Variants in CHCHD6 observed in about 807,000 individuals in gnomAD.
The protein encoded by CHCHD6 is MICOS complex subunit MIC25.
In CHCHD6, 28 loss-of-function variants were observed where a neutral mutation model predicts 32.3. The ratio of observed to expected loss-of-function variants is 0.87; its 90% CI spans 0.64 to 1.19. CHCHD6 has a LOEUF of 1.19. Among genes scored for constraint, CHCHD6 ranks in the 50% most tolerant of loss-of-function variants. The pLI, the probability that CHCHD6 is intolerant of heterozygous loss-of-function variation, is 0.00. For missense variants in CHCHD6, 333 were observed against 307.0 expected (o/e 1.08, Z -0.63); for synonymous variants, 122 against 117.5 (o/e 1.04, Z -0.25).
chr3:126,942,672 C>T (rs1212502058), intron 6 of CHCHD6, among the ~76,000 whole-genome samples: 1 of 152,170 alleles, frequency 6.6e-6, no homozygotes, highest in African/African-American at 2.4e-5. Context: ...TTCTCTGCCC[C>T]AGCCCTGGAG....
intron 5 of CHCHD6, among the ~76,000 whole-genome samples, chr3:126,875,831 G>C (rs997707633): frequency 9.9e-5 from 15 of 152,178 alleles, no homozygotes; most frequent in Non-Finnish European, 2.9e-5. Context: ...ATCACATCCT[G>C]TCACATGTTC....
At chr3:126,883,536 G>A (rs1246804367) in intron 5 of CHCHD6, among the ~76,000 whole-genome samples, 1 of 152,150 alleles carries the variant, frequency 6.6e-6, no homozygotes, top group Non-Finnish European at 1.5e-5. Flanking sequence ...TGGTGTGATG[G>A]CAGAAGAAAC....
At chr3:126,861,805 T>C (rs1404599048) in intron 5 of CHCHD6, among the ~76,000 whole-genome samples, 1 of 32,166 alleles carries the variant, frequency 3.1e-5, no homozygotes, top group Non-Finnish European at 5.8e-5. Context: ...CTCCCCCTCC[T>C]CCACCATCAC....
At chr3:126,820,588 T>A (rs1940107920) in intron 4 of CHCHD6, among the ~76,000 whole-genome samples, 1 of 152,246 alleles carries the variant, frequency 6.6e-6, no homozygotes, top group Non-Finnish European at 1.5e-5. Flanking sequence ...TTTCCTTGCC[T>A]GACTATACCA....
At chr3:126,787,260 A>G (rs1436949415) in intron 4 of CHCHD6, among the ~76,000 whole-genome samples, 3 of 152,222 alleles carry the variant, frequency 2.0e-5, no homozygotes, top group Admixed American at 2.0e-4. Context: ...AGGTAGCATG[A>G]TGCCTCCAGC....
chr3:126,949,139 A>G (rs2078679338), intron 6 of CHCHD6: 1 of 152,508 alleles, frequency 6.6e-6, no homozygotes, highest in Non-Finnish European at 1.5e-5. Flanking sequence ...CCTGCTTGGC[A>G]GAGTCTCAGA....
chr3:126,811,835 TGTCCTGC>T (rs1299164605), intron 4 of CHCHD6, among the ~76,000 whole-genome samples: 2 of 152,200 alleles, frequency 1.3e-5, no homozygotes, highest in African/African-American at 2.4e-5. Flanking sequence ...CAGGGCCCAG[TGTCCTGC>T]CAAGTAAGAC....
At chr3:126,908,605 A>G (rs1454320713) in intron 5 of CHCHD6, among the ~76,000 whole-genome samples, 1 of 152,136 alleles carries the variant, frequency 6.6e-6, no homozygotes, top group Non-Finnish European at 1.5e-5. Flanking sequence ...AGGTTAGTGA[A>G]CAAAACAAGC....
chr3:126,713,805 C>T (rs939638805), intron 1 of CHCHD6, among the ~76,000 whole-genome samples: 4 of 152,104 alleles, frequency 2.6e-5, no homozygotes, highest in African/African-American at 4.8e-5. Context: ...AACTATGACT[C>T]CAGAAACTTA....
In CHCHD6 at chr3:126,735,705, C is replaced by T. The variant is rs185979338; in HGVS notation, c.411+2483C>T. Among the ~76,000 whole-genome samples the T allele has an allele frequency of 4.4e-3, 674 of 152,292 alleles. 1 individual carries two copies. The highest frequency in any genetic ancestry group is 6.0e-3 in the Non-Finnish European group (407 of 68,024). ...ATTGTCTCTCAGGTGTTGCAGTCAG[C>T]CCCTTCATGCTATGAGGTTATATCT... On this transcript the variant is annotated intron_variant, in intron 4 of 7. Coordinates refer to ENST00000290913, the MANE Select transcript of CHCHD6 (RefSeq NM_032343.3).
chr3:126,749,526 T>C (rs1315915520), intron 4 of CHCHD6, among the ~76,000 whole-genome samples: 1 of 152,148 alleles, frequency 6.6e-6, no homozygotes, highest in Non-Finnish European at 1.5e-5. Flanking sequence ...CTATCAGTTA[T>C]GGTCTAGATT....
rs1319407077 is a variant in CHCHD6 at position 126,704,267 on chromosome 3, A to AGCCGGGTCTCGGGTCTGGTGGCT, written c.-40_-18dup. On this transcript the variant is annotated 5_prime_UTR_variant, in exon 1 of 8. Transcript: ENST00000290913. ...AGCGTTGTTGGCCCGGTTGCTCTGG[A>AGCCGGGTCTCGGGTCTGGTGGCT]GCCGGGTCTCGGGTCTGGTGGCTGC... is the stretch of plus-strand genomic sequence containing the variant. 4.0e-6 allele frequency: 6 copies of AGCCGGGTCTCGGGTCTGGTGGCT among 1,513,826 alleles called. No homozygotes were observed. In the South Asian group the frequency reaches 4.6e-5, roughly 12 times the overall value. The allele number at this position is 1,513,826 out of a possible 1,614,324, so 93.8% of individuals were successfully genotyped here. A position where few individuals can be genotyped will look rare whatever the true frequency, so the allele number is the denominator to read the frequency against.
chr3:126,841,035 C>T (rs1480122298), intron 4 of CHCHD6, among the ~76,000 whole-genome samples: 1 of 151,596 alleles, frequency 6.6e-6, no homozygotes, highest in Non-Finnish European at 1.5e-5. Context: ...CCGATGCTAT[C>T]CCTCCCCACT....
intron 1 of CHCHD6, among the ~76,000 whole-genome samples, chr3:126,707,377 T>G (rs1217352348): frequency 1.3e-5 from 2 of 152,130 alleles, no homozygotes; most frequent in Non-Finnish European, 2.9e-5. Flanking sequence ...AGAAATTTAA[T>G]GAATGCAAAA....
chr3:126,887,641 C>A (rs1576556603), intron 5 of CHCHD6, among the ~76,000 whole-genome samples: 1 of 152,268 alleles, frequency 6.6e-6, no homozygotes, highest in African/African-American at 2.4e-5. Context: ...CTCCTATTCC[C>A]ATCGGCCTTC....
chr3:126,789,854 C>T (rs958385546), intron 4 of CHCHD6, among the ~76,000 whole-genome samples: 22 of 151,744 alleles, frequency 1.4e-4, no homozygotes, highest in South Asian at 4.2e-4. Context: ...TGTGTGAATT[C>T]GATCCTGTCA....
At chr3:126,761,323 A>G (rs575029544) in intron 4 of CHCHD6, among the ~76,000 whole-genome samples, 2 of 152,120 alleles carry the variant, frequency 1.3e-5, no homozygotes, top group African/African-American at 4.8e-5. Flanking sequence ...CCATCTTCAC[A>G]TGGCATTCTT....
At chr3:126,941,102 G>A (rs1022891816) in intron 6 of CHCHD6, among the ~76,000 whole-genome samples, 2 of 152,148 alleles carry the variant, frequency 1.3e-5, no homozygotes, top group Admixed American at 1.3e-4. Flanking sequence ...CCCAGTGAAG[G>A]TCTATAATCG....
At chr3:126,919,876 A>G (rs1028865260) in intron 6 of CHCHD6, among the ~76,000 whole-genome samples, 2 of 148,594 alleles carry the variant, frequency 1.3e-5, no homozygotes, top group Non-Finnish European at 3.0e-5. Context: ...CTAGTTATTG[A>G]TTTTCTTTAT....
Sources: allele counts gnomAD v4.1 joint callset (sites outside exome capture counted in the v4.1 genomes callset), GRCh38; gene constraint gnomAD v4.1.1; transcripts MANE v1.5; gene names NCBI Gene and HGNC (gene_info 2026-07-23, HGNC 2026-07-21).